Variants in RGMB observed in about 807,000 individuals in gnomAD.
RGMB encodes the protein repulsive guidance molecule BMP co-receptor b.
A neutral mutation model predicts 26.9 loss-of-function variants in RGMB; 16 were observed. That is an observed-to-expected ratio of 0.60 (90% CI 0.40 to 0.90). The LOEUF is 0.90. Ranked by LOEUF, RGMB falls within the 40% of genes least tolerant of loss-of-function variation. The pLI is 0.00. For synonymous variants in RGMB, 225 were observed against 229.3 expected (o/e 0.98, Z 0.17); for missense variants, 512 against 573.3 (o/e 0.89, Z 1.09).
rs1746552959 is a variant in RGMB, at chr5:98,780,242, A to G, written c.645+154A>G. The G allele has an allele frequency of 7.8e-6, 5 of 639,616 alleles. No homozygotes were observed. In the South Asian group the frequency reaches 1.3e-4, roughly 17 times the overall value. 39.6% of individuals were successfully genotyped at this position (639,616 alleles called of 1,614,324 possible). A position where few individuals can be genotyped will look rare whatever the true frequency, so the allele number is the denominator to read the frequency against. Reference sequence around the variant, plus strand: ...GTTGATAAAGGGTTAAATAAAAATTATCTAGTAAGGAATTTCTTATTGGAA... The same window carrying G: ...GTTGATAAAGGGTTAAATAAAAATTGTCTAGTAAGGAATTTCTTATTGGAA... On this transcript the variant is annotated intron_variant, in intron 2 of 2. Transcript: ENST00000513185.
At chr5:98,770,110 C>G (rs962127725), upstream of RGMB, 1 of 152,680 alleles carries the variant, frequency 6.5e-6, no homozygotes, top group Non-Finnish European at 1.5e-5. Context: ...TCAGGGGTTT[C>G]GGGTCTGCCC....
At position 98,773,934 on chromosome 5, in the gene RGMB, C is replaced by T; in HGVS notation, c.-137C>T. ...TGCTGCGGCGGTGGTGGCGCCCCAT[C>T]TGCTACACGGGCCTGAAGAAGGAAG... On this transcript the variant is annotated 5_prime_UTR_variant, in exon 1 of 3. Transcript: ENST00000513185. The T allele has an allele frequency of 3.5e-6, 2 of 576,006 alleles. No homozygotes were observed. The highest frequency in any genetic ancestry group is 7.0e-5 in the East Asian group (2 of 28,582). 35.7% of individuals were successfully genotyped at this position (576,006 alleles called of 1,614,324 possible).
At chr5:98,770,495 C>T (rs1746119170), upstream of RGMB, 3 of 476,810 alleles carry the variant, frequency 6.3e-6, no homozygotes, top group Non-Finnish European at 7.1e-6. Context: ...TGCGGGGGCC[C>T]GTTGTCTACG....
chr5:98,793,886 C>G lies in RGMB; in HGVS notation c.*133C>G. The stretch of plus-strand genomic sequence containing the variant: ...ATGACAGGATGTTTGTCCTGGGACA[C>G]CCACCAGATTGTACATACTGTGTTT... On this transcript the variant is annotated 3_prime_UTR_variant, in exon 3 of 3. Transcript: ENST00000513185. The G allele has an allele frequency of 1.4e-6, 1 of 695,738 alleles. No individual in the cohort carries two copies. The highest frequency in any genetic ancestry group is 2.3e-6 in the Non-Finnish European group (1 of 430,512). The allele number at this position is 695,738 out of a possible 1,614,324, so 43.1% of individuals were successfully genotyped here.
upstream of RGMB, among the ~76,000 whole-genome samples, chr5:98,771,390 C>T (rs1435682598): frequency 6.6e-6 from 1 of 152,158 alleles, no homozygotes; most frequent in Non-Finnish European, 1.5e-5. Flanking sequence ...TTGCAGCTCA[C>T]GGGCTTGAGG....
chr5:98,780,155 C>G, intron 2 of RGMB, 67 bp downstream of exon 2: 1 of 1,466,452 alleles, frequency 6.8e-7, no homozygotes, highest in Non-Finnish European at 9.2e-7. Context: ...CTTCAGATAA[C>G]TTTTGAAATG....
Position 98,774,161 on chromosome 5 carries a change from G to GAGC in RGMB, c.92_94dup (p.Glu31_Leu32insGln). 4.0e-6 allele frequency: 6 copies of GAGC among 1,499,906 alleles called. No homozygotes were observed. Among genetic ancestry groups the GAGC allele is most frequent in the Non-Finnish European group, 5.3e-6 (6 of 1,131,306 alleles). 92.9% of individuals were successfully genotyped at this position (1,499,906 alleles called of 1,614,324 possible). A position where few individuals can be genotyped will look rare whatever the true frequency, so the allele number is the denominator to read the frequency against. ...CCCCGGGCTCTGCCCCCCGCCGCTG[G>GAGC]AGCTGCTGCTGCTGCTGCTGTTCAG... On this transcript the variant is annotated inframe_insertion, in exon 1 of 3. Coordinates refer to ENST00000513185, the MANE Select transcript of RGMB (RefSeq NM_001366508.1).
intron 1 of RGMB, 124 bp downstream of exon 1, chr5:98,774,330 C>A: frequency 9.8e-7 from 1 of 1,017,446 alleles, no homozygotes. Context: ...AAAGGCCTCC[C>A]GAGCCCCTGA....
intron 1 of RGMB, among the ~76,000 whole-genome samples, chr5:98,777,613 T>C (rs777062006): frequency 2.0e-5 from 3 of 152,204 alleles, no homozygotes; most frequent in Non-Finnish European, 2.9e-5. Context: ...TTGCCTTGGA[T>C]TTCCCATCTG....
At chr5:98,784,195 G>T (rs1047708549) in intron 2 of RGMB, among the ~76,000 whole-genome samples, 1 of 152,162 alleles carries the variant, frequency 6.6e-6, no homozygotes, top group Non-Finnish European at 1.5e-5. Flanking sequence ...GTACGTTTTT[G>T]GTGCTGCCAA....
In RGMB at chr5:98,774,048, C is replaced by T. The variant is rs1391771223; in HGVS notation, c.-23C>T. On this transcript the variant is annotated 5_prime_UTR_variant, in exon 1 of 3. Transcript: ENST00000513185. ...CCCGCGCCGCCGCCCTCGCCGGAGC[C>T]CACGAGACCTGCATGGACGGGCATG... is the stretch of plus-strand genomic sequence containing the variant. 1.2e-6 allele frequency: 1 copy of T among 817,458 alleles called. No homozygotes were observed. Among genetic ancestry groups the T allele is most frequent in the Admixed American group, 2.7e-5 (1 of 37,392 alleles). 50.6% of individuals were successfully genotyped at this position (817,458 alleles called of 1,614,324 possible). A position where few individuals can be genotyped will look rare whatever the true frequency, so the allele number is the denominator to read the frequency against.
chr5:98,779,938 G>C lies in RGMB; in HGVS notation c.495G>C (p.Leu165Phe), dbSNP rs76606616. ...QNPPSYLFCG[L>F]FGDPHLRTFK... is the part of the protein sequence containing the mutation. The stretch of plus-strand genomic sequence containing the variant: ...CTCCCAGTTACCTTTTTTGTGGCTT[G>C]TTTGGAGATCCTCACCTCAGAACTT... Residue 165 changes from leucine to phenylalanine, a missense_variant, in exon 2 of 3, where the codon TTG becomes TTC. Transcript: ENST00000513185. 1 of 1,579,366 alleles carries C rather than the reference G, an allele frequency of 6.3e-7. No homozygotes were observed. Among genetic ancestry groups the C allele is most frequent in the East Asian group, 2.3e-5 (1 of 43,900 alleles).
rs1411997411 is a variant in RGMB, at chr5:98,795,723, CGTT to C, written c.*1971_*1973del. ...GCCATGTACCAAATTCAGAAGCTAT[CGTT>C]AATAATTTGTTTTATAATTGAGTAG... On this transcript the variant is annotated 3_prime_UTR_variant, in exon 3 of 3. Coordinates refer to ENST00000513185, the MANE Select transcript of RGMB (RefSeq NM_001366508.1). 1 of 151,988 alleles carries C rather than the reference CGTT, an allele frequency of 6.6e-6. No homozygotes were observed. Among genetic ancestry groups the C allele is most frequent in the East Asian group, 1.9e-4 (1 of 5,190 alleles). 9.4% of individuals were successfully genotyped at this position (151,988 alleles called of 1,614,324 possible). A position where few individuals can be genotyped will look rare whatever the true frequency, so the allele number is the denominator to read the frequency against.
At chr5:98,786,385 C>A (rs2112364842) in intron 2 of RGMB, among the ~76,000 whole-genome samples, 1 of 152,330 alleles carries the variant, frequency 6.6e-6, no homozygotes, top group South Asian at 2.1e-4. Flanking sequence ...GAGGCCAAGT[C>A]TGATACACAG....
chr5:98,779,837 C>T lies in RGMB; in HGVS notation c.394C>T (p.Pro132Ser). ...GGATGGACCCACATCCTCTACCAAC[C>T]CCGAAGTGACCCATGATCCTTGCAA... ...SKDGPTSSTN[P>S]EVTHDPCNYH... Residue 132 changes from proline to serine, a missense_variant, in exon 2 of 3, where the codon CCC becomes TCC. Coordinates refer to ENST00000513185, the MANE Select transcript of RGMB (RefSeq NM_001366508.1). 1 of 1,614,052 alleles carries T rather than the reference C, an allele frequency of 6.2e-7. No individual in the cohort carries two copies. The highest frequency in any genetic ancestry group is 8.5e-7 in the Non-Finnish European group (1 of 1,179,892).
intron 2 of RGMB, among the ~76,000 whole-genome samples, chr5:98,787,531 G>A (rs939925497): frequency 5.3e-5 from 8 of 152,216 alleles, no homozygotes; most frequent in Non-Finnish European, 2.9e-5. Flanking sequence ...GAAGCAAGGT[G>A]GCAGCCTAGG....
chr5:98,770,486 GC>G, upstream of RGMB: 1 of 458,116 alleles, frequency 2.2e-6, no homozygotes, highest in Non-Finnish European at 3.8e-6. Context: ...CGCAGGGATT[GC>G]GGGGGCCCGT....
rs753423039 is a variant in RGMB, at chr5:98,780,155, CTT to C, written c.645+70_645+71del. 2.3e-5 allele frequency: 34 copies of C among 1,466,334 alleles called. No individual in the cohort carries two copies. The South Asian group carries it at 4.1e-4, about 18-fold the overall frequency. The allele number at this position is 1,466,334 out of a possible 1,614,324, so 90.8% of individuals were successfully genotyped here. A position where few individuals can be genotyped will look rare whatever the true frequency, so the allele number is the denominator to read the frequency against. On this transcript the variant is annotated intron_variant, in intron 2 of 2. Transcript: ENST00000513185. Reference sequence around the variant, plus strand: ...AAAAGATGTTTGATTCTTCAGATAACTTTTGAAATGTGCTATAAAGGGCCTAG... The same window carrying C: ...AAAAGATGTTTGATTCTTCAGATAACTTGAAATGTGCTATAAAGGGCCTAG...
At chr5:98,783,354 G>A (rs569752958) in intron 2 of RGMB, among the ~76,000 whole-genome samples, 1 of 152,340 alleles carries the variant, frequency 6.6e-6, no homozygotes, top group South Asian at 2.1e-4. Context: ...GTGAGAGGCG[G>A]CTACAGGCAT....
Sources: gnomAD v4.1 joint callset for allele counts (sites outside exome capture counted in the v4.1 genomes callset) on GRCh38, gnomAD v4.1.1 for gene constraint, MANE v1.5 for transcripts, NCBI Gene and HGNC (gene_info 2026-07-23, HGNC 2026-07-21) for gene names.